Variants in NAALADL2 observed in about 807,000 individuals in gnomAD.
NAALADL2 encodes the protein N-acetylated alpha-linked acidic dipeptidase like 2.
NAALADL2 carries 76 observed loss-of-function variants against 87.2 expected under a neutral mutation model. That is an observed-to-expected ratio of 0.87 (90% CI 0.72 to 1.05). The LOEUF is 1.05. Ranked by LOEUF, NAALADL2 falls within the 50% of genes least tolerant of loss-of-function variation. The pLI is 0.00. For synonymous variants in NAALADL2, 354 were observed against 331.0 expected (o/e 1.07, Z -0.75); for missense variants, 1,089 against 945.8 (o/e 1.15, Z -1.99).
intron 5 of NAALADL2, among the ~76,000 whole-genome samples, chr3:175,377,765 G>T (rs1300576248): frequency 6.6e-6 from 1 of 152,162 alleles, no homozygotes; most frequent in Non-Finnish European, 1.5e-5. Context: ...GGACATCAGA[G>T]ACTATGTCTG....
intron 1 of NAALADL2, among the ~76,000 whole-genome samples, chr3:174,457,209 G>A (rs1235876170): frequency 6.6e-6 from 1 of 152,124 alleles, no homozygotes; most frequent in East Asian, 1.9e-4. Context: ...AATAACAGGT[G>A]CTGGTGAAGT....
chr3:175,620,047 A>G (rs765815143), intron 10 of NAALADL2, among the ~76,000 whole-genome samples: 16 of 149,744 alleles, frequency 1.1e-4, no homozygotes, highest in Non-Finnish European at 2.4e-4. Context: ...ACTGGCTTAC[A>G]GGGGCGAGAA....
intron 4 of NAALADL2, among the ~76,000 whole-genome samples, chr3:175,283,138 T>C (rs560693211): frequency 5.3e-5 from 8 of 152,178 alleles, no homozygotes; most frequent in Non-Finnish European, 1.0e-4. Context: ...ATAACACTCT[T>C]CTAAGTATTC....
upstream of NAALADL2, among the ~76,000 whole-genome samples, chr3:174,856,363 A>G (rs1003286037): frequency 6.6e-6 from 1 of 152,076 alleles, no homozygotes; most frequent in Non-Finnish European, 1.5e-5. Context: ...CCTTTCCACA[A>G]TTTGTTATCA....
chr3:175,047,972 T>A (rs1229856250), intron 1 of NAALADL2, among the ~76,000 whole-genome samples: 2 of 152,200 alleles, frequency 1.3e-5, no homozygotes, highest in Non-Finnish European at 2.9e-5. Context: ...AGTATATGAC[T>A]CCAATTTCAT....
At chr3:175,483,816 C>A (rs75206154) in intron 9 of NAALADL2, among the ~76,000 whole-genome samples, 4,567 of 152,178 alleles carry the variant, frequency 0.03, 211 homozygotes, top group African/African-American at 0.1. Context: ...TAGTTTGACG[C>A]AAACGTAATT....
chr3:175,398,354 T>TG (rs1770099101), intron 5 of NAALADL2, among the ~76,000 whole-genome samples: 3 of 148,572 alleles, frequency 2.0e-5, no homozygotes, highest in East Asian at 1.9e-4. Flanking sequence ...CTTTTTTTTT[T>TG]TTTTTTTTTT....
chr3:174,463,016 G>GTAAAAT (rs1456287388), intron 1 of NAALADL2, among the ~76,000 whole-genome samples: 1 of 152,192 alleles, frequency 6.6e-6, no homozygotes, highest in African/African-American at 2.4e-5. Context: ...AAAAGTAAAA[G>GTAAAAT]TAATTGCATA....
intron 2 of NAALADL2, among the ~76,000 whole-genome samples, chr3:175,228,147 A>G (rs974869730): frequency 1.3e-5 from 2 of 151,888 alleles, no homozygotes; most frequent in African/African-American, 4.8e-5. Context: ...ATTCCCTTGA[A>G]TCCAGTCAAC....
At chr3:175,334,112 C>T (rs568143750) in intron 5 of NAALADL2, among the ~76,000 whole-genome samples, 1 of 152,120 alleles carries the variant, frequency 6.6e-6, no homozygotes, top group Non-Finnish European at 1.5e-5. Context: ...CTAGAGTCAG[C>T]CATTTCTCCA....
At chr3:175,336,001 A>T in intron 5 of NAALADL2, among the ~76,000 whole-genome samples, 1 of 152,170 alleles carries the variant, frequency 6.6e-6, no homozygotes, top group Non-Finnish European at 1.5e-5. Context: ...AGTAATGAGC[A>T]GTGACACCAC....
chr3:175,380,253 T>A (rs1767638610), intron 5 of NAALADL2, among the ~76,000 whole-genome samples: 1 of 152,104 alleles, frequency 6.6e-6, no homozygotes, highest in African/African-American at 2.4e-5. Context: ...CCATGTCCCC[T>A]TTTCTTCCTC....
intron 10 of NAALADL2, among the ~76,000 whole-genome samples, chr3:175,583,592 T>G (rs569521102): frequency 6.6e-6 from 1 of 152,066 alleles, no homozygotes; most frequent in Non-Finnish European, 1.5e-5. Flanking sequence ...GTTTACTTCA[T>G]GAGTATTTTT....
At chr3:174,920,191 A>C (rs1324342939) in intron 1 of NAALADL2, among the ~76,000 whole-genome samples, 1 of 152,216 alleles carries the variant, frequency 6.6e-6, no homozygotes, top group Non-Finnish European at 1.5e-5. Context: ...TCCTAACAGA[A>C]GAGTCAGACT....
intron 1 of NAALADL2, among the ~76,000 whole-genome samples, chr3:174,882,180 C>G (rs886446776): frequency 1.3e-5 from 2 of 151,972 alleles, no homozygotes; most frequent in Non-Finnish European, 2.9e-5. Context: ...ACTGATTTTC[C>G]TAATCAACCC....
intron 2 of NAALADL2, among the ~76,000 whole-genome samples, chr3:174,637,305 C>G (rs1722742988): frequency 6.6e-6 from 1 of 151,818 alleles, no homozygotes; most frequent in Admixed American, 6.6e-5. Flanking sequence ...TTGTATATTT[C>G]AAAATAACTA....
intron 5 of NAALADL2, among the ~76,000 whole-genome samples, chr3:175,436,323 G>T (rs1003509071): frequency 1.3e-5 from 2 of 149,396 alleles, no homozygotes; most frequent in African/African-American, 5.0e-5. Flanking sequence ...GTGTGCATGC[G>T]TCTTTATAGC....
chr3:175,005,530 A>C (rs779935857), intron 1 of NAALADL2, among the ~76,000 whole-genome samples: 2 of 152,164 alleles, frequency 1.3e-5, no homozygotes, highest in Non-Finnish European at 2.9e-5. Context: ...AGCTCAGTAA[A>C]TATTTGTTAA....
intron 1 of NAALADL2, among the ~76,000 whole-genome samples, chr3:174,879,692 C>T (rs1728949278): frequency 6.6e-6 from 1 of 151,994 alleles, no homozygotes; most frequent in Admixed American, 6.6e-5. Flanking sequence ...CCTCACTACT[C>T]ATCTCCTAAA....
Sources: gnomAD v4.1 joint callset for allele counts (sites outside exome capture counted in the v4.1 genomes callset) on GRCh38, gnomAD v4.1.1 for gene constraint, MANE v1.5 for transcripts, NCBI Gene and HGNC (gene_info 2026-07-23, HGNC 2026-07-21) for gene names.